The following LSAMP variants were observed in gnomAD, a reference collection of about 807,000 sequenced individuals.
The protein encoded by LSAMP is limbic system associated membrane protein.
LSAMP carries 7 observed loss-of-function variants against 38.6 expected under a neutral mutation model. The ratio of observed to expected loss-of-function variants is 0.18; its 90% CI spans 0.10 to 0.34. The LOEUF is 0.34. Among genes scored for constraint, LSAMP ranks in the 10% least tolerant of loss-of-function variants. LSAMP has a pLI of 1.00. For missense variants in LSAMP, 313 were observed against 420.0 expected (o/e 0.75, Z 2.23); for synonymous variants, 154 against 166.8 (o/e 0.92, Z 0.59).
chr3:116,221,407 T>C (rs545371072), intron 1 of LSAMP, among the ~76,000 whole-genome samples: 328 of 152,228 alleles, frequency 2.2e-3, no homozygotes, highest in African/African-American at 7.4e-3. Flanking sequence ...GCTATAGCCT[T>C]GTCCACTCTC....
intron 1 of LSAMP, among the ~76,000 whole-genome samples, chr3:116,299,332 T>C (rs1346983338): frequency 6.6e-6 from 1 of 152,128 alleles, no homozygotes; most frequent in Non-Finnish European, 1.5e-5. Context: ...GGAAACAGGA[T>C]TGATGGAGAG....
At chr3:116,341,007 C>A (rs1035709097) in intron 1 of LSAMP, among the ~76,000 whole-genome samples, 2 of 151,956 alleles carry the variant, frequency 1.3e-5, no homozygotes, top group African/African-American at 4.8e-5. Flanking sequence ...ACTTATGTGG[C>A]ATATGGAGAT....
chr3:116,430,971 C>T (rs570962611), intron 1 of LSAMP, among the ~76,000 whole-genome samples: 1 of 152,026 alleles, frequency 6.6e-6, no homozygotes, highest in East Asian at 1.9e-4. Flanking sequence ...GGTATAATCA[C>T]AAATACACAT....
At chr3:115,990,363 T>A (rs535510590) in intron 3 of LSAMP, among the ~76,000 whole-genome samples, 1 of 152,184 alleles carries the variant, frequency 6.6e-6, no homozygotes, top group South Asian at 2.1e-4. Flanking sequence ...AGCCTCTTGA[T>A]GCTACTTCAA....
intron 1 of LSAMP, among the ~76,000 whole-genome samples, chr3:116,248,766 T>C (rs12695324): frequency 0.72 from 108,548 of 151,786 alleles, 40,469 homozygotes; most frequent in South Asian, 0.84. Context: ...GATGCCTGTG[T>C]ACATATGTAG....
In LSAMP at chr3:115,807,751, T is replaced by C. The variant is rs1459800787; in HGVS notation, c.*2566A>G. The stretch of plus-strand genomic sequence containing the variant: ...GGGGAATGCTTATTATTAAAGATGA[T>C]ACCCTTTATTCTTGAACTAAGAAGA... On this transcript the variant is annotated 3_prime_UTR_variant, in exon 7 of 7. Coordinates refer to ENST00000490035, the MANE Select transcript of LSAMP (RefSeq NM_002338.5). 1 of 152,216 alleles carries C rather than the reference T, an allele frequency of 6.6e-6. No individual in the cohort carries two copies. The highest frequency in any genetic ancestry group is 2.4e-5 in the African/African-American group (1 of 41,462). The allele number at this position is 152,216 out of a possible 1,614,324, so 9.4% of individuals were successfully genotyped here.
At chr3:116,208,481 T>G in intron 1 of LSAMP, among the ~76,000 whole-genome samples, 1 of 152,238 alleles carries the variant, frequency 6.6e-6, no homozygotes, top group Non-Finnish European at 1.5e-5. Flanking sequence ...AGCGCTCTGC[T>G]TTTTAGAGTT....
intron 1 of LSAMP, among the ~76,000 whole-genome samples, chr3:116,223,562 C>T (rs1050938804): frequency 2.6e-5 from 4 of 151,894 alleles, no homozygotes; most frequent in African/African-American, 7.3e-5. Flanking sequence ...AAAAACAGAC[C>T]GTAAAACAAT....
chr3:116,044,472 G>A (rs1333144076), intron 2 of LSAMP, among the ~76,000 whole-genome samples: 1 of 152,144 alleles, frequency 6.6e-6, no homozygotes, highest in Non-Finnish European at 1.5e-5. Context: ...ATGTGGCCAT[G>A]AAGCTGATCT....
At chr3:116,206,450 T>G (rs1337891871) in intron 1 of LSAMP, among the ~76,000 whole-genome samples, 5 of 145,724 alleles carry the variant, frequency 3.4e-5, no homozygotes, top group Admixed American at 1.4e-4. Flanking sequence ...TGCTAGCTCT[T>G]GAATGTGTTT....
chr3:116,334,797 A>G (rs2047897867), intron 1 of LSAMP, among the ~76,000 whole-genome samples: 4 of 152,104 alleles, frequency 2.6e-5, no homozygotes, highest in Admixed American at 1.3e-4. Flanking sequence ...CAATGGTGAA[A>G]GACTGAAAGC....
At chr3:116,202,340 G>A (rs1255813447) in intron 1 of LSAMP, among the ~76,000 whole-genome samples, 1 of 151,982 alleles carries the variant, frequency 6.6e-6, no homozygotes, top group African/African-American at 2.4e-5. Context: ...CACCATGTTG[G>A]CCAGGCTAAT....
intron 1 of LSAMP, among the ~76,000 whole-genome samples, chr3:116,224,306 T>C (rs2046319225): frequency 6.6e-6 from 1 of 152,234 alleles, no homozygotes; most frequent in South Asian, 2.1e-4. Flanking sequence ...TTTTACAAGA[T>C]TTCTTTACTC....
At chr3:115,978,506 T>C (rs1388912251) in intron 3 of LSAMP, among the ~76,000 whole-genome samples, 1 of 152,012 alleles carries the variant, frequency 6.6e-6, no homozygotes, top group African/African-American at 2.4e-5. Context: ...ATAACAATGG[T>C]GTCAAGCAAG....
chr3:115,893,715 A>G (rs1030563102), intron 3 of LSAMP, among the ~76,000 whole-genome samples: 11 of 150,996 alleles, frequency 7.3e-5, no homozygotes, highest in African/African-American at 2.7e-4. Context: ...TTAGATGTAT[A>G]TCAGGCAATT....
At chr3:116,356,481 C>A (rs958206586) in intron 1 of LSAMP, among the ~76,000 whole-genome samples, 1 of 151,996 alleles carries the variant, frequency 6.6e-6, no homozygotes, top group African/African-American at 2.4e-5. Context: ...CTAATAGGTA[C>A]AAAATATAGT....
intron 4 of LSAMP, among the ~76,000 whole-genome samples, chr3:115,851,516 A>T (rs1237230150): frequency 1.3e-5 from 2 of 152,198 alleles, no homozygotes; most frequent in African/African-American, 4.8e-5. Context: ...AAAAGAGAGA[A>T]TTTATATAAA....
chr3:116,131,566 A>G (rs1340256103), intron 1 of LSAMP, among the ~76,000 whole-genome samples: 1 of 152,176 alleles, frequency 6.6e-6, no homozygotes, highest in Non-Finnish European at 1.5e-5. Flanking sequence ...GACCATGTAT[A>G]GAGAGTCTAC....
chr3:116,092,073 G>A lies in LSAMP; in HGVS notation c.156-5517C>T, dbSNP rs549196001. ...GTAATTCACCTCTGGAGCCCTCACT[G>A]AGCCTAAATACCATGTGCATAAATA... On this transcript the variant is annotated intron_variant, in intron 1 of 6. Transcript: ENST00000490035. Among the ~76,000 whole-genome samples, 4 of 152,224 alleles carry A rather than the reference G, an allele frequency of 2.6e-5. No individual in the cohort carries two copies. In the East Asian group the frequency reaches 7.7e-4, roughly 29 times the overall value.
Sources: gnomAD v4.1 joint callset for allele counts (sites outside exome capture counted in the v4.1 genomes callset) on GRCh38, gnomAD v4.1.1 for gene constraint, MANE v1.5 for transcripts, NCBI Gene and HGNC (gene_info 2026-07-23, HGNC 2026-07-21) for gene names.